The following ERC2 variants were observed in gnomAD, a reference collection of about 807,000 sequenced individuals.
ERC2 encodes the protein ELKS/RAB6-interacting/CAST family member 2.
ERC2 carries 42 observed loss-of-function variants against 114.8 expected under a neutral mutation model. That is an observed-to-expected ratio of 0.37 (90% CI 0.29 to 0.47). The LOEUF (loss-of-function observed/expected upper bound fraction) is 0.47, where lower values mean the gene tolerates loss of function less well. ERC2 is among the 20% of genes least tolerant of loss of function. The probability of loss-of-function intolerance (pLI) is 0.99; values close to 1 mark genes in which losing one functional copy is unlikely to be tolerated. For synonymous variants in ERC2, 454 were observed against 425.5 expected, an observed-to-expected ratio of 1.07 and a Z score of -0.82; for missense variants, 939 against 1,150.7, an observed-to-expected ratio of 0.82 and a Z score of 2.66.
At chr3:56,371,128 C>T (rs1481521429) in intron 2 of ERC2, among the ~76,000 whole-genome samples, 1 of 152,164 alleles carries the variant, frequency 6.6e-6, no homozygotes, top group Non-Finnish European at 1.5e-5. Context: ...CAGCCACTCA[C>T]AAGCCAGAGA....
chr3:56,010,307 A>G, intron 9 of ERC2, 142 bp downstream of exon 9: 1 of 1,016,586 alleles, frequency 9.8e-7, no homozygotes, highest in Non-Finnish European at 1.4e-6. Flanking sequence ...CTTTAAATTC[A>G]GGCAGCTTTA....
At chr3:55,996,150 T>A (rs1272043750) in intron 10 of ERC2, among the ~76,000 whole-genome samples, 1 of 152,180 alleles carries the variant, frequency 6.6e-6, no homozygotes, top group Admixed American at 6.5e-5. Flanking sequence ...CACAGTAATA[T>A]TTTTCCTTAA....
intron 13 of ERC2, among the ~76,000 whole-genome samples, chr3:55,927,918 T>C (rs1199658477): frequency 1.3e-5 from 2 of 152,210 alleles, no homozygotes; most frequent in Non-Finnish European, 2.9e-5. Flanking sequence ...TCCACCCATG[T>C]TGTTGCAAAT....
At chr3:55,516,454 T>C (rs185657482) in intron 17 of ERC2, among the ~76,000 whole-genome samples, 76 of 149,186 alleles carry the variant, frequency 5.1e-4, no homozygotes, top group African/African-American at 1.8e-3. Context: ...AAAATATGAG[T>C]GGAGAGCAAC....
At chr3:55,534,667 G>GTGCAACAGA (rs1249583934) in intron 17 of ERC2, among the ~76,000 whole-genome samples, 1 of 152,170 alleles carries the variant, frequency 6.6e-6, no homozygotes, top group Non-Finnish European at 1.5e-5. Context: ...CTGCACTCCA[G>GTGCAACAGA]CCTGGGCAAC....
intron 13 of ERC2, among the ~76,000 whole-genome samples, chr3:55,903,244 T>A (rs2064243185): frequency 6.6e-6 from 1 of 152,250 alleles, no homozygotes; most frequent in African/African-American, 2.4e-5. Flanking sequence ...TTTTCCCTAG[T>A]AGCTCTTCTC....
intron 2 of ERC2, among the ~76,000 whole-genome samples, chr3:56,373,466 T>C (rs2059426486): frequency 6.6e-6 from 1 of 152,204 alleles, no homozygotes; most frequent in South Asian, 2.1e-4. Flanking sequence ...ATGAACAACC[T>C]GGGACATCAC....
At chr3:56,298,002 C>T (rs1048479172) in intron 2 of ERC2, among the ~76,000 whole-genome samples, 6 of 152,206 alleles carry the variant, frequency 3.9e-5, no homozygotes, top group Admixed American at 1.3e-4. Context: ...CACAGTGCCT[C>T]TCAGGGTATT....
At chr3:55,810,565 C>T (rs1430506061) in intron 14 of ERC2, among the ~76,000 whole-genome samples, 3 of 151,978 alleles carry the variant, frequency 2.0e-5, no homozygotes, top group Non-Finnish European at 2.9e-5. Context: ...CAGGTTCAAG[C>T]GATTTTCCTG....
At chr3:56,453,552 C>G (rs1878270) in intron 1 of ERC2, among the ~76,000 whole-genome samples, 62,086 of 152,044 alleles carry the variant, frequency 0.41, 12,951 homozygotes, top group South Asian at 0.54. Context: ...ATTTATCTCT[C>G]ATTTCTCTCT....
chr3:55,913,241 C>T (rs904018999), intron 13 of ERC2, among the ~76,000 whole-genome samples: 3 of 152,062 alleles, frequency 2.0e-5, no homozygotes, highest in Admixed American at 6.6e-5. Flanking sequence ...TTTTCTCTAT[C>T]GATAAATATT....
intron 3 of ERC2, among the ~76,000 whole-genome samples, chr3:56,295,652 T>C (rs1479485076): frequency 6.6e-6 from 1 of 152,244 alleles, no homozygotes; most frequent in African/African-American, 2.4e-5. Context: ...GCTAATCCTA[T>C]TTATTTTTTC....
chr3:55,985,331 T>C (rs1208291075), intron 12 of ERC2, among the ~76,000 whole-genome samples: 1 of 152,226 alleles, frequency 6.6e-6, no homozygotes, highest in African/African-American at 2.4e-5. Context: ...AATCAGGTCT[T>C]ACACTTGGTT....
intron 14 of ERC2, among the ~76,000 whole-genome samples, chr3:55,802,347 G>A (rs976308243): frequency 1.3e-5 from 2 of 152,178 alleles, no homozygotes; most frequent in African/African-American, 2.4e-5. Context: ...ATATTATTTA[G>A]AATAGTTATC....
At chr3:55,529,624 G>A (rs766811887) in intron 17 of ERC2, among the ~76,000 whole-genome samples, 4 of 152,134 alleles carry the variant, frequency 2.6e-5, no homozygotes, top group Admixed American at 1.3e-4. Flanking sequence ...CAAGGAGCTC[G>A]CATTACCCTT....
intron 12 of ERC2, among the ~76,000 whole-genome samples, chr3:55,971,468 G>C (rs1358133966): frequency 1.3e-5 from 2 of 152,174 alleles, no homozygotes; most frequent in Non-Finnish European, 2.9e-5. Flanking sequence ...TCACTGTTAA[G>C]GGTTTTCTGT....
At chr3:55,984,402 C>A (rs962479763) in intron 12 of ERC2, among the ~76,000 whole-genome samples, 7 of 152,108 alleles carry the variant, frequency 4.6e-5, no homozygotes, top group East Asian at 3.9e-4. Context: ...GGTGTGGGAG[C>A]AAAAGGGATC....
chr3:56,175,927 GT>G (rs544033646), intron 3 of ERC2, among the ~76,000 whole-genome samples: 10 of 150,670 alleles, frequency 6.6e-5, no homozygotes, highest in African/African-American at 2.4e-4. Context: ...CAATGTGATG[GT>G]TTTTTTCCAG....
At chr3:55,584,270 T>A (rs2057479460) in intron 17 of ERC2, among the ~76,000 whole-genome samples, 1 of 152,160 alleles carries the variant, frequency 6.6e-6, no homozygotes, top group Non-Finnish European at 1.5e-5. Flanking sequence ...AGACTCAGTT[T>A]TCCCATCTGC....
Sources: allele counts gnomAD v4.1 joint callset (sites outside exome capture counted in the v4.1 genomes callset), GRCh38; gene constraint gnomAD v4.1.1; transcripts MANE v1.5; gene names NCBI Gene and HGNC (gene_info 2026-07-23, HGNC 2026-07-21).